Variants in ADAMTS2 observed in about 807,000 individuals in gnomAD.
ADAMTS2 encodes the protein ADAM metallopeptidase with thrombospondin type 1 motif 2.
ADAMTS2 carries 50 observed loss-of-function variants against 123.0 expected under a neutral mutation model. The observed-to-expected ratio is 0.41, with a 90% CI of 0.32 to 0.51. The LOEUF is 0.51. Ranked by LOEUF, ADAMTS2 falls within the 20% of genes least tolerant of loss-of-function variation. ADAMTS2 has a pLI of 0.35. For synonymous variants in ADAMTS2, 678 were observed against 695.4 expected (o/e 0.98, Z 0.39); for missense variants, 1,494 against 1,705.2 (o/e 0.88, Z 2.18).
chr5:179,338,400 C>A (rs1236273692), intron 2 of ADAMTS2, among the ~76,000 whole-genome samples: 1 of 152,178 alleles, frequency 6.6e-6, no homozygotes, highest in Non-Finnish European at 1.5e-5. Context: ...GGATGCTGCT[C>A]CCCGGACCCC....
chr5:179,243,138 G>A (rs1765705550), intron 3 of ADAMTS2, among the ~76,000 whole-genome samples: 1 of 132,728 alleles, frequency 7.5e-6, no homozygotes, highest in Non-Finnish European at 1.6e-5. Context: ...CCACAGACCA[G>A]CTTATTTACT....
At chr5:179,322,931 AC>A (rs1677253219) in intron 2 of ADAMTS2, among the ~76,000 whole-genome samples, 1 of 152,210 alleles carries the variant, frequency 6.6e-6, no homozygotes, top group Non-Finnish European at 1.5e-5. Flanking sequence ...CCTCCTGAGC[AC>A]GGTGTGGAAG....
intron 10 of ADAMTS2, among the ~76,000 whole-genome samples, chr5:179,142,906 TG>T (rs1763194581): frequency 6.6e-6 from 1 of 152,164 alleles, no homozygotes; most frequent in Non-Finnish European, 1.5e-5. Context: ...GGAAACTTTC[TG>T]AGCCATGAAA....
chr5:179,229,974 C>T (rs963424915), intron 3 of ADAMTS2, among the ~76,000 whole-genome samples: 1 of 152,188 alleles, frequency 6.6e-6, no homozygotes, highest in African/African-American at 2.4e-5. Flanking sequence ...ATCCTGACCC[C>T]GTACATCCCT....
At chr5:179,192,532 G>A (rs1271197364) in intron 4 of ADAMTS2, among the ~76,000 whole-genome samples, 1 of 152,222 alleles carries the variant, frequency 6.6e-6, no homozygotes, top group Non-Finnish European at 1.5e-5. Context: ...CCGCTACACA[G>A]GAAACCCAGA....
chr5:179,227,182 G>A (rs543285319), intron 3 of ADAMTS2, among the ~76,000 whole-genome samples: 22 of 151,826 alleles, frequency 1.4e-4, no homozygotes, highest in South Asian at 8.7e-4. Flanking sequence ...CAGAAGAAAG[G>A]TGTGCAGTGG....
intron 2 of ADAMTS2, among the ~76,000 whole-genome samples, chr5:179,300,094 CAAAAA>C (rs59939578): frequency 9.8e-6 from 1 of 102,330 alleles, no homozygotes; most frequent in African/African-American, 3.9e-5. Flanking sequence ...GACTCCGTCT[CAAAAA>C]AAAAAAAAAA....
chr5:179,119,317 G>C (rs1047519449), intron 21 of ADAMTS2, among the ~76,000 whole-genome samples: 1 of 152,178 alleles, frequency 6.6e-6, no homozygotes, highest in Non-Finnish European at 1.5e-5. Flanking sequence ...GCTAGCCCCC[G>C]GGCCCGGCCC....
At chr5:179,222,512 G>A (rs59676020) in intron 3 of ADAMTS2, among the ~76,000 whole-genome samples, 5,901 of 152,328 alleles carry the variant, frequency 0.039, 471 homozygotes, top group East Asian at 0.34. Flanking sequence ...CCTGCTTGCC[G>A]GGCCCCAGCT....
chr5:179,116,604 G>C (rs1009258570), intron 21 of ADAMTS2, among the ~76,000 whole-genome samples: 21 of 152,328 alleles, frequency 1.4e-4, no homozygotes, highest in African/African-American at 5.1e-4. Flanking sequence ...ACAGGGCAGA[G>C]CCCCAGAGCC....
In ADAMTS2 at chr5:179,136,522, G is replaced by A. The variant is rs1380535803; in HGVS notation, c.1952-480C>T. ...TCTACTAAAAATACAAAAATTAGCT[G>A]GGTGTGGTGGTGAGCGCCTGTAATC... is the stretch of plus-strand genomic sequence containing the variant. On this transcript the variant is annotated intron_variant, in intron 12 of 21. Transcript: ENST00000251582. Among the ~76,000 whole-genome samples, 6 of 151,890 alleles carry A rather than the reference G, an allele frequency of 4.0e-5. No homozygotes were observed. In the East Asian group the frequency reaches 9.7e-4, roughly 24 times the overall value.
intron 10 of ADAMTS2, among the ~76,000 whole-genome samples, chr5:179,150,727 G>A (rs1056710447): frequency 6.6e-6 from 1 of 152,196 alleles, no homozygotes; most frequent in African/African-American, 2.4e-5. Flanking sequence ...CAACTCTATA[G>A]AGACAGAAAG....
chr5:179,228,573 T>C lies in ADAMTS2; in HGVS notation c.689-20858A>G, dbSNP rs1039868045. ...CCAGCTCTTATGCCGGCCACTGCCTTGCCTCCTGCCTGATGCAGTCTCTCG... is the reference window on the plus strand; with the variant it reads ...CCAGCTCTTATGCCGGCCACTGCCTCGCCTCCTGCCTGATGCAGTCTCTCG... On this transcript the variant is annotated intron_variant, in intron 3 of 21. Coordinates refer to ENST00000251582, the MANE Select transcript of ADAMTS2 (RefSeq NM_014244.5). This position sits in a 1 kb window ranked among gnomAD's most constrained non-coding sequence, Gnocchi z 5.2. 6.6e-6 allele frequency among the ~76,000 whole-genome samples: 1 copy of C among 152,244 alleles called. No individual in the cohort carries two copies. Among genetic ancestry groups the C allele is most frequent in the Non-Finnish European group, 1.5e-5 (1 of 68,040 alleles).
At chr5:179,271,525 C>T (rs1192809980) in intron 3 of ADAMTS2, among the ~76,000 whole-genome samples, 1 of 152,184 alleles carries the variant, frequency 6.6e-6, no homozygotes, top group African/African-American at 2.4e-5. Flanking sequence ...CGCTCAGCCC[C>T]TTCCACGCTG....
chr5:179,154,248 C>A, intron 7 of ADAMTS2, 56 bp from the exon 8 acceptor site: 1 of 1,534,592 alleles, frequency 6.5e-7, no homozygotes, highest in Non-Finnish European at 8.7e-7. Context: ...CTGCCAGTCC[C>A]ACCCCACCCC....
At chr5:179,224,154 G>C (rs1198470786) in intron 3 of ADAMTS2, among the ~76,000 whole-genome samples, 1 of 152,222 alleles carries the variant, frequency 6.6e-6, no homozygotes, top group Non-Finnish European at 1.5e-5. Context: ...TTTACAGGGA[G>C]AGCATGAGGG....
chr5:179,205,787 T>TTATTATTATTA (rs758652100), intron 4 of ADAMTS2, among the ~76,000 whole-genome samples: 4,892 of 96,532 alleles, frequency 0.051, 103 homozygotes, highest in Middle Eastern at 0.12. Context: ...TATTATTATT[T>TTATTATTATTA]TTGAGACGGA....
intron 3 of ADAMTS2, among the ~76,000 whole-genome samples, chr5:179,217,828 C>CAAGGGGGGGA (rs1561811309): frequency 1.0e-5 from 1 of 99,850 alleles, no homozygotes; most frequent in African/African-American, 4.1e-5. Flanking sequence ...AGGGGATGGC[C>CAAGGGGGGGA]TGAGGGCAGA....
chr5:179,127,952 C>G lies in ADAMTS2; in HGVS notation c.2617+7G>C. On this transcript the variant is annotated splice_region_variant and intron_variant, in intron 17 of 21. Transcript: ENST00000251582. Reference sequence around the variant, plus strand: ...CACCCAGGTCCCCAGCTTCGAGACCCCCTCACCTCCGCCACAGGGCTTGGA... The same window carrying G: ...CACCCAGGTCCCCAGCTTCGAGACCGCCTCACCTCCGCCACAGGGCTTGGA... 1 of 1,613,606 alleles carries G rather than the reference C, an allele frequency of 6.2e-7. No individual in the cohort carries two copies. Among genetic ancestry groups the G allele is most frequent in the Non-Finnish European group, 8.5e-7 (1 of 1,180,024 alleles).
Sources: allele counts gnomAD v4.1 joint callset (sites outside exome capture counted in the v4.1 genomes callset), GRCh38; gene constraint gnomAD v4.1.1; non-coding constraint Gnocchi (gnomAD v3.1); transcripts MANE v1.5; gene names NCBI Gene and HGNC (gene_info 2026-07-23, HGNC 2026-07-21).